NUSAP1: variants seen among roughly 807,000 people sequenced by gnomAD.
NUSAP1 encodes nucleolar and spindle-associated protein 1.
NUSAP1 carries 32 observed loss-of-function variants against 52.8 expected under a neutral mutation model. That is an observed-to-expected ratio of 0.61 (90% confidence interval 0.46 to 0.81). NUSAP1 has a LOEUF of 0.81. NUSAP1 is among the 40% of genes least tolerant of loss of function. NUSAP1 has a pLI of 0.00. For missense variants in NUSAP1, 499 were observed against 522.3 expected (o/e 0.96, Z 0.43); for synonymous variants, 195 against 183.1 (o/e 1.06, Z -0.52).
chr15:41,337,225 C>T (rs940067967), intron 1 of NUSAP1, among the ~76,000 whole-genome samples: 1 of 151,944 alleles, frequency 6.6e-6, no homozygotes, highest in Non-Finnish European at 1.5e-5. Flanking sequence ...GACTATGTTG[C>T]CCTGTCTGGT....
chr15:41,333,176 T>G, intron 1 of NUSAP1, 126 bp downstream of exon 1: 1 of 693,964 alleles, frequency 1.4e-6, no homozygotes, highest in Non-Finnish European at 2.5e-6. Context: ...CCTCGGGCAG[T>G]AGATGTGGTT....
chr15:41,357,764 CTAGCCCTTTA>C (rs1256994151), intron 5 of NUSAP1, among the ~76,000 whole-genome samples: 1 of 152,164 alleles, frequency 6.6e-6, no homozygotes, highest in Non-Finnish European at 1.5e-5. Flanking sequence ...ATACTTTTAT[CTAGCCCTTTA>C]TAGAATAAAT....
intron 6 of NUSAP1, among the ~76,000 whole-genome samples, chr15:41,360,189 A>G (rs1324159527): frequency 6.6e-6 from 1 of 151,916 alleles, no homozygotes; most frequent in Non-Finnish European, 1.5e-5. Context: ...CCCAGGCTGG[A>G]GTGCAGTGAC....
At chr15:41,348,404 G>T (rs564196599) in intron 2 of NUSAP1, among the ~76,000 whole-genome samples, 1 of 152,156 alleles carries the variant, frequency 6.6e-6, no homozygotes, top group African/African-American at 2.4e-5. Context: ...ATTTTAAGTA[G>T]AGATGGGGTT....
intron 1 of NUSAP1, among the ~76,000 whole-genome samples, chr15:41,337,891 G>C (rs1030574575): frequency 2.7e-5 from 4 of 149,936 alleles, no homozygotes; most frequent in Non-Finnish European, 5.9e-5. Flanking sequence ...TCTATCCCTC[G>C]GTGATCTTAT....
At chr15:41,375,262 C>T (rs965034102) in intron 8 of NUSAP1, among the ~76,000 whole-genome samples, 4 of 151,432 alleles carry the variant, frequency 2.6e-5, no homozygotes, top group Non-Finnish European at 5.9e-5. Context: ...ACCACAACCT[C>T]CGCCTTCCGG....
chr15:41,347,664 A>G (rs897139802), intron 2 of NUSAP1, among the ~76,000 whole-genome samples: 7 of 151,926 alleles, frequency 4.6e-5, no homozygotes, highest in African/African-American at 1.7e-4. Flanking sequence ...AACACAAAAG[A>G]TTAGCCAGGC....
At position 41,380,269 on chromosome 15, in the gene NUSAP1, C is replaced by G. The variant is rs1595622937; in HGVS notation, c.*83C>G. ...TTTTTTTTTTTTGCTGTCATCCCCACTTTAGTCACGAGATCTTTTTCTGCT... is the reference window on the plus strand; with the variant it reads ...TTTTTTTTTTTTGCTGTCATCCCCAGTTTAGTCACGAGATCTTTTTCTGCT... On this transcript the variant is annotated 3_prime_UTR_variant, in exon 11 of 11. Transcript: ENST00000559596. 3.5e-6 allele frequency: 3 copies of G among 868,402 alleles called. No individual in the cohort carries two copies. Among genetic ancestry groups the G allele is most frequent in the Admixed American group, 4.9e-5 (2 of 41,134 alleles). 53.8% of individuals were successfully genotyped at this position (868,402 alleles called of 1,614,324 possible).
chr15:41,358,386 T>C (rs2049046951), intron 6 of NUSAP1, 128 bp downstream of exon 6: 4 of 577,308 alleles, frequency 6.9e-6, no homozygotes, highest in Non-Finnish European at 1.2e-5. Context: ...TTAATATATC[T>C]TTATCTAAAA....
chr15:41,352,178 G>C (rs1049333104), intron 4 of NUSAP1, among the ~76,000 whole-genome samples: 2 of 151,880 alleles, frequency 1.3e-5, no homozygotes, highest in Non-Finnish European at 2.9e-5. Context: ...TCCTGACCTC[G>C]TGATCCACCC....
At chr15:41,373,891 G>T (rs558015071) in intron 8 of NUSAP1, among the ~76,000 whole-genome samples, 2 of 152,000 alleles carry the variant, frequency 1.3e-5, no homozygotes, top group African/African-American at 2.4e-5. Flanking sequence ...AAAAGTTACC[G>T]TCATTTCCTT....
At chr15:41,380,049 T>C in intron 10 of NUSAP1, 44 bp from the exon 11 acceptor site, 8 of 1,427,954 alleles carry the variant, frequency 5.6e-6, no homozygotes, top group Non-Finnish European at 7.6e-6. Flanking sequence ...AAGTATCTGT[T>C]TTGGAGCCTC....
intron 8 of NUSAP1, among the ~76,000 whole-genome samples, chr15:41,374,614 G>C (rs375765255): frequency 1.3e-5 from 2 of 151,540 alleles, no homozygotes; most frequent in African/African-American, 4.9e-5. Context: ...TGCAACCTCC[G>C]ACTCCCTGGT....
intron 6 of NUSAP1, among the ~76,000 whole-genome samples, chr15:41,363,329 C>G (rs1018920372): frequency 1.3e-5 from 2 of 148,324 alleles, no homozygotes; most frequent in African/African-American, 2.5e-5. Context: ...GTGTGTGTCT[C>G]TCTCTCTCTC....
intron 7 of NUSAP1, 62 bp from the exon 8 acceptor site, chr15:41,371,465 A>G: frequency 1.4e-6 from 2 of 1,390,596 alleles, no homozygotes; most frequent in Non-Finnish European, 1.9e-6. Flanking sequence ...TTTTATTTAT[A>G]AGCTAGACAC....
intron 5 of NUSAP1, among the ~76,000 whole-genome samples, chr15:41,357,134 CA>C (rs781779950): frequency 9.9e-4 from 151 of 152,038 alleles, no homozygotes; most frequent in Admixed American, 2.6e-3. Context: ...TTGGGAGGCC[CA>C]GGGGGCTGGA....
chr15:41,378,984 C>T (rs1357306901), intron 10 of NUSAP1, among the ~76,000 whole-genome samples: 5 of 60,980 alleles, frequency 8.2e-5, no homozygotes, highest in Admixed American at 2.3e-4. Flanking sequence ...GATGGAGTCT[C>T]GCTCTGATGC....
chr15:41,380,022 C>G, intron 10 of NUSAP1, 71 bp from the exon 11 acceptor site: 5 of 1,130,792 alleles, frequency 4.4e-6, no homozygotes, highest in Non-Finnish European at 6.4e-6. Flanking sequence ...GGTGTTAGTC[C>G]AACAATAGTT....
intron 6 of NUSAP1, among the ~76,000 whole-genome samples, chr15:41,359,612 C>G (rs1011026494): frequency 6.7e-6 from 1 of 148,948 alleles, no homozygotes; most frequent in East Asian, 2.0e-4. Flanking sequence ...ACCACTGTTA[C>G]AACCATTTTT....
Sources: allele counts gnomAD v4.1 joint callset (sites outside exome capture counted in the v4.1 genomes callset), GRCh38; gene constraint gnomAD v4.1.1; transcripts MANE v1.5; gene names NCBI Gene and HGNC (gene_info 2026-07-23, HGNC 2026-07-21).